The following LPIN1 variants were observed in gnomAD, a reference collection of about 807,000 sequenced individuals.
The protein encoded by LPIN1 is lipin 1.
LPIN1 carries 71 observed loss-of-function variants against 107.5 expected under a neutral mutation model. The observed-to-expected ratio is 0.66, with a 90% CI of 0.55 to 0.80. LPIN1 has a LOEUF of 0.80. LPIN1 is among the 30% of genes least tolerant of loss of function. The pLI is 0.00. For missense variants in LPIN1, 1,043 were observed against 1,160.6 expected (o/e 0.90, Z 1.47); for synonymous variants, 445 against 452.6 (o/e 0.98, Z 0.21).
chr2:11,757,408 G>A (rs1668841018), intron 1 of LPIN1, among the ~76,000 whole-genome samples: 1 of 152,166 alleles, frequency 6.6e-6, no homozygotes, highest in African/African-American at 2.4e-5. Context: ...TGATTGGCTG[G>A]GTTTGTCTGA....
chr2:11,760,022 C>A (rs1429332792), intron 1 of LPIN1, among the ~76,000 whole-genome samples: 1 of 142,120 alleles, frequency 7.0e-6, no homozygotes, highest in South Asian at 2.3e-4. Context: ...CGGGCAGAGA[C>A]GCTCCTCACC....
intron 1 of LPIN1, among the ~76,000 whole-genome samples, chr2:11,753,108 A>G (rs939165054): frequency 1.3e-5 from 2 of 152,108 alleles, no homozygotes; most frequent in Admixed American, 1.3e-4. Flanking sequence ...GGGGATGAGC[A>G]GGGTGGGGGT....
intron 10 of LPIN1, 71 bp downstream of exon 10, chr2:11,785,147 A>G (rs1674325941): frequency 8.3e-7 from 1 of 1,203,016 alleles, no homozygotes. Flanking sequence ...AGGCTTCTCC[A>G]AGGAGTGCGT....
At chr2:11,801,828 T>G (rs1344236168) in intron 14 of LPIN1, among the ~76,000 whole-genome samples, 1 of 152,234 alleles carries the variant, frequency 6.6e-6, no homozygotes, top group East Asian at 1.9e-4. Flanking sequence ...GATTTGATCA[T>G]GGTATGCATG....
intron 1 of LPIN1, among the ~76,000 whole-genome samples, chr2:11,695,238 A>G (rs1662510711): frequency 6.6e-6 from 1 of 152,234 alleles, no homozygotes; most frequent in Non-Finnish European, 1.5e-5. Context: ...TTAATATAGT[A>G]AATATGTAAA....
intron 2 of LPIN1, among the ~76,000 whole-genome samples, chr2:11,718,875 C>T (rs765424080): frequency 5.3e-5 from 8 of 152,166 alleles, no homozygotes; most frequent in Admixed American, 1.3e-4. Context: ...TGAGATATTC[C>T]GAGAGATGAA....
At chr2:11,725,203 T>C (rs976666039) in intron 1 of LPIN1, among the ~76,000 whole-genome samples, 2 of 152,166 alleles carry the variant, frequency 1.3e-5, no homozygotes, top group African/African-American at 4.8e-5. Flanking sequence ...AGAGCCTGCA[T>C]TGAGCTGAGA....
chr2:11,819,639 T>A, intron 19 of LPIN1, 41 bp downstream of exon 19: 1 of 1,381,028 alleles, frequency 7.2e-7, no homozygotes, highest in Non-Finnish European at 1.0e-6. Flanking sequence ...TTGAAATGAC[T>A]GCCTTTTCTG....
chr2:11,777,621 C>T (rs967099411), intron 6 of LPIN1: 3 of 152,166 alleles, frequency 2.0e-5, no homozygotes, highest in Non-Finnish European at 4.4e-5. Context: ...GCTGTGGCTG[C>T]TTTCACACCA....
At chr2:11,693,786 GTGTATATATATATATATA>G (rs1662390706) in intron 1 of LPIN1, among the ~76,000 whole-genome samples, 1 of 44,040 alleles carries the variant, frequency 2.3e-5, no homozygotes, top group African/African-American at 1.0e-4. Context: ...GTGTGTGAGT[GTGTATATATATATATATA>G]TATATATATA....
In LPIN1 at chr2:11,790,133, C is replaced by G. The variant is rs79667997; in HGVS notation, c.1713+1677C>G. 9.5e-3 allele frequency among the ~76,000 whole-genome samples: 1,440 copies of G among 152,296 alleles called. 23 individuals carry two copies. Among genetic ancestry groups the G allele is most frequent in the Middle Eastern group, 0.041 (12 of 294 alleles). On this transcript the variant is annotated intron_variant, in intron 12 of 20. Coordinates refer to ENST00000674199, the MANE Select transcript of LPIN1 (RefSeq NM_001349206.2). The stretch of plus-strand genomic sequence containing the variant: ...AAAGATCTTAAAATCTTTCATCCAT[C>G]TAGATTTTGTTTCAAGTGTAATGAG...
At chr2:11,710,742 G>C (rs1203363220) in intron 1 of LPIN1, among the ~76,000 whole-genome samples, 1 of 152,174 alleles carries the variant, frequency 6.6e-6, no homozygotes, top group Non-Finnish European at 1.5e-5. Flanking sequence ...ACAGCTCCTA[G>C]TAGAAGAACT....
At chr2:11,760,832 TG>T (rs1283468687) in intron 1 of LPIN1, among the ~76,000 whole-genome samples, 2 of 152,172 alleles carry the variant, frequency 1.3e-5, no homozygotes, top group Non-Finnish European at 2.9e-5. Context: ...GGGGCCTCAC[TG>T]CTGGGGAGGT....
chr2:11,821,717 T>C (rs933408820), intron 20 of LPIN1, among the ~76,000 whole-genome samples: 5 of 152,156 alleles, frequency 3.3e-5, no homozygotes. Flanking sequence ...CTTAAACTAG[T>C]TGGATTCTAA....
chr2:11,733,563 C>T (rs998139604), intron 1 of LPIN1, among the ~76,000 whole-genome samples: 6 of 151,650 alleles, frequency 4.0e-5, no homozygotes, highest in Admixed American at 3.9e-4. Context: ...GTGATCTCAG[C>T]TCACTGCAAC....
At chr2:11,753,939 T>C (rs1668273142) in intron 1 of LPIN1, among the ~76,000 whole-genome samples, 1 of 152,020 alleles carries the variant, frequency 6.6e-6, no homozygotes, top group African/African-American at 2.4e-5. Context: ...AACAGCGTGA[T>C]GTTTGTGACT....
At chr2:11,814,660 G>A (rs1333316989) in intron 17 of LPIN1, among the ~76,000 whole-genome samples, 1 of 152,012 alleles carries the variant, frequency 6.6e-6, no homozygotes, top group East Asian at 1.9e-4. Flanking sequence ...TGTGTGTAGG[G>A]GCGAATGAAG....
rs1432531356 is a variant in LPIN1 at position 11,697,800 on chromosome 2, C to A, written c.82-15956C>A. On this transcript the variant is annotated intron_variant, in intron 1 of 21. Coordinates refer to the LPIN1 transcript ENST00000449576. The surrounding 1 kb of genome is among the most constrained non-coding windows in gnomAD (Gnocchi z 4.6). ...GCCTTGTGTCCTTCCCCATTTACAA[C>A]CCCCTCCTCCCCATCTCACCAGGCC... is the stretch of plus-strand genomic sequence containing the variant. Among the ~76,000 whole-genome samples, 3 of 152,098 alleles carry A rather than the reference C, an allele frequency of 2.0e-5. No homozygotes were observed. The highest frequency in any genetic ancestry group is 1.9e-4 in the East Asian group (1 of 5,192).
rs527803635 is a variant in LPIN1 at position 11,780,095 on chromosome 2, G to A, written c.957+450G>A. On this transcript the variant is annotated intron_variant, in intron 7 of 20. Coordinates refer to ENST00000674199, the MANE Select transcript of LPIN1 (RefSeq NM_001349206.2). The stretch of plus-strand genomic sequence containing the variant: ...GGGGTTTCACCGTGTTGGCCAGGCT[G>A]GTCTTGAACTGCTGACCTCAAGTGA... Among the ~76,000 whole-genome samples, 38 of 152,288 alleles carry A rather than the reference G, an allele frequency of 2.5e-4. No individual in the cohort carries two copies. In the East Asian group the frequency reaches 7.3e-3, roughly 29 times the overall value.
Sources: gnomAD v4.1 joint callset for allele counts (sites outside exome capture counted in the v4.1 genomes callset) on GRCh38, gnomAD v4.1.1 for gene constraint, Gnocchi (gnomAD v3.1) non-coding constraint, MANE v1.5 for transcripts, NCBI Gene and HGNC (gene_info 2026-07-23, HGNC 2026-07-21) for gene names.